The following KRT25 variants were observed in gnomAD, a reference collection of about 807,000 sequenced individuals.
KRT25 encodes keratin, type I cytoskeletal 25.
A neutral mutation model predicts 47.6 loss-of-function variants in KRT25; 37 were observed. The ratio of observed to expected loss-of-function variants is 0.78; its 90% CI spans 0.60 to 1.02. KRT25 has a LOEUF of 1.02. KRT25 is among the 50% of genes least tolerant of loss of function. The pLI, the probability that KRT25 is intolerant of heterozygous loss-of-function variation, is 0.00. For synonymous variants in KRT25, 203 were observed against 210.2 expected (o/e 0.97, Z 0.30); for missense variants, 542 against 550.3 (o/e 0.98, Z 0.15).
At chr17:40,751,593 T>C (rs1269494183) in intron 3 of KRT25, among the ~76,000 whole-genome samples, 1 of 152,248 alleles carries the variant, frequency 6.6e-6, no homozygotes, top group Non-Finnish European at 1.5e-5. Flanking sequence ...ACTCCTGCTC[T>C]TATAACTTAA....
rs1168572208 is a variant in KRT25, at chr17:40,754,028, TTAA to T, written c.513-15_513-13del. 1 of 1,613,292 alleles carries T rather than the reference TTAA, an allele frequency of 6.2e-7. No individual in the cohort carries two copies. The highest frequency in any genetic ancestry group is 2.2e-5 in the East Asian group (1 of 44,858). The stretch of plus-strand genomic sequence containing the variant: ...GCTCATTTTCATACCTTAAAGAGTG[TTAA>T]TGATTTCCTAATTTGTCACATGGTT... On this transcript the variant is annotated splice_polypyrimidine_tract_variant and intron_variant, in intron 2 of 7. Coordinates refer to ENST00000312150, the MANE Select transcript of KRT25 (RefSeq NM_181534.4).
At position 40,754,338 on chromosome 17, in the gene KRT25, C is replaced by T. The variant is rs2038083841; in HGVS notation, c.512+48G>A. ...AAGAGTTGCTAAATTTGATGTAATG[C>T]GTTGCATGAATTGCCATGAATTCAT... On this transcript the variant is annotated intron_variant, in intron 2 of 7. Coordinates refer to ENST00000312150, the MANE Select transcript of KRT25 (RefSeq NM_181534.4). 8.4e-6 allele frequency: 12 copies of T among 1,436,138 alleles called. No homozygotes were observed. In the Admixed American group the frequency reaches 1.0e-4, roughly 12 times the overall value. 89.0% of individuals were successfully genotyped at this position (1,436,138 alleles called of 1,614,324 possible). A position where few individuals can be genotyped will look rare whatever the true frequency, so the allele number is the denominator to read the frequency against.
At position 40,751,224 on chromosome 17, in the gene KRT25, C is replaced by T; in HGVS notation, c.772G>A (p.Glu258Lys). ...TTCTGCTCTGCAAGGGCTTCGTACT[C>T]AGCTCGCATGTTGTTCAGCAGAACT... ...LTVLLNNMRA[E>K]YEALAEQNRR... Residue 258 changes from glutamate to lysine, a missense_variant, in exon 4 of 8, where the codon GAG becomes AAG. Physicochemically the swap from Glu to Lys is moderately conservative, Grantham distance 56. Coordinates refer to ENST00000312150, the MANE Select transcript of KRT25 (RefSeq NM_181534.4). 6.2e-7 allele frequency: 1 copy of T among 1,614,136 alleles called. No homozygotes were observed. Among genetic ancestry groups the T allele is most frequent in the Non-Finnish European group, 8.5e-7 (1 of 1,179,956 alleles).
upstream of KRT25, chr17:40,755,367 G>A (rs998664291): frequency 5.6e-5 from 62 of 1,113,120 alleles, no homozygotes; most frequent in Non-Finnish European, 6.9e-5. Flanking sequence ...TTATAGGCAA[G>A]TCCCAAGTGT....
At position 40,755,070 on chromosome 17, in the gene KRT25, T is replaced by C. The variant is rs2038093829; in HGVS notation, c.202A>G (p.Thr68Ala). The C allele has an allele frequency of 6.2e-7, 1 of 1,614,024 alleles. No individual in the cohort carries two copies. The highest frequency in any genetic ancestry group is 1.3e-5 in the African/African-American group (1 of 74,906). ...GAAAGGAGCCCCCGCTCATTCACAG[T>C]GAAGCCAGCACAGGGATTACCTCCC... ...TGGGNPCAGFTVNERGLLSGN... is the reference protein window; with the variant it reads ...TGGGNPCAGFAVNERGLLSGN... The change falls in exon 1 of 8, where the codon ACT becomes GCT. Residue 68 changes from threonine (T) to alanine (A), a missense_variant. Thr to Ala is a moderately conservative substitution (Grantham distance 58, BLOSUM62 0). Coordinates refer to ENST00000312150, the MANE Select transcript of KRT25 (RefSeq NM_181534.4).
At chr17:40,752,740 C>A (rs1247151962) in intron 3 of KRT25, among the ~76,000 whole-genome samples, 1 of 152,066 alleles carries the variant, frequency 6.6e-6, no homozygotes, top group African/African-American at 2.4e-5. Flanking sequence ...ATATTTGAAT[C>A]CACGTAGTCA....
At chr17:40,750,848 A>T (rs1473877084) in intron 5 of KRT25, 106 bp downstream of exon 5, 4 of 1,406,424 alleles carry the variant, frequency 2.8e-6, no homozygotes, top group Non-Finnish European at 3.9e-6. Flanking sequence ...TTTTGAGACA[A>T]TTATAAACAA....
chr17:40,754,799 G>T, intron 1 of KRT25, 44 bp downstream of exon 1: 1 of 1,437,822 alleles, frequency 7.0e-7, no homozygotes. Context: ...ACAAAATTTA[G>T]AAATAAAGGT....
rs751274967 is a variant in KRT25, at chr17:40,755,125, G to A, written c.147C>T (p.Phe49=). 7.1e-5 allele frequency: 114 copies of A among 1,614,030 alleles called. 1 individual carries two copies. In the South Asian group the frequency reaches 1.2e-3, roughly 17 times the overall value. Residue 49 remains phenylalanine, a synonymous_variant, in exon 1 of 8, where the codon TTC becomes TTT. Transcript: ENST00000312150. ...SGIGSGFSSA[F]GGSSSGGNTG... is the part of the protein sequence containing the mutation. ...TGTTTCCTCCCGATGAGCTGCCTCC[G>A]AAGGCACTAGAGAAGCCACTTCCAA... is the stretch of plus-strand genomic sequence containing the variant.
intron 5 of KRT25, 114 bp downstream of exon 5, chr17:40,750,840 T>C (rs1028772275): frequency 2.9e-6 from 4 of 1,374,980 alleles, no homozygotes; most frequent in Non-Finnish European, 4.0e-6. Context: ...TCCTTATGTT[T>C]TGAGACAATT....
chr17:40,749,154 C>T (rs2038023106), intron 7 of KRT25, 104 bp downstream of exon 7: 1 of 810,164 alleles, frequency 1.2e-6, no homozygotes, highest in South Asian at 1.5e-5. Context: ...ACCTCCGTGA[C>T]ACGTGTTTAC....
In KRT25 at chr17:40,754,902, G is replaced by A. The variant is rs370147296; in HGVS notation, c.370C>T (p.Arg124Cys). ...WYEKFGPGSCRGLDHDYSRYF... is the reference protein window; with the variant it reads ...WYEKFGPGSCCGLDHDYSRYF... ...CTGCTATAGTCATGATCAAGACCAC[G>A]GCAAGAGCCAGGCCCAAATTTCTCA... The change falls in exon 1 of 8, where the codon CGT (arginine) becomes TGT (cysteine). Residue 124 changes from arginine to cysteine, a missense_variant. Physicochemically the swap from Arg to Cys is radical, Grantham distance 180. Coordinates refer to ENST00000312150, the MANE Select transcript of KRT25 (RefSeq NM_181534.4). 5.6e-6 allele frequency: 9 copies of A among 1,614,066 alleles called. No homozygotes were observed. Among genetic ancestry groups the A allele is most frequent in the South Asian group, 2.2e-5 (2 of 91,072 alleles).
intron 6 of KRT25, among the ~76,000 whole-genome samples, chr17:40,750,008 C>T (rs114431377): frequency 1.8e-3 from 272 of 152,274 alleles, no homozygotes; most frequent in African/African-American, 6.4e-3. Flanking sequence ...GAGCTCTAGA[C>T]ATCCAGACTT....
intron 6 of KRT25, among the ~76,000 whole-genome samples, chr17:40,750,130 C>T (rs1257674798): frequency 6.6e-6 from 1 of 152,114 alleles, no homozygotes; most frequent in African/African-American, 2.4e-5. Context: ...TCCATTTAGC[C>T]TCCCGTTTGT....
intron 3 of KRT25, 134 bp downstream of exon 3, chr17:40,753,719 AAAAAGAC>A: frequency 3.6e-6 from 1 of 280,804 alleles, no homozygotes; most frequent in South Asian, 8.1e-5. Flanking sequence ...AAAAAAAAAA[AAAAAGAC>A]AGCTCAGCCC....
Position 40,755,258 on chromosome 17 carries a change from A to G in KRT25, c.14T>C (p.Leu5Pro). 6.2e-7 allele frequency: 1 copy of G among 1,613,408 alleles called. No homozygotes were observed. The highest frequency in any genetic ancestry group is 1.1e-5 in the South Asian group (1 of 91,000). Residue 5 changes from leucine (L) to proline (P), a missense_variant, in exon 1 of 8, where the codon CTT becomes CCT. Coordinates refer to ENST00000312150, the MANE Select transcript of KRT25 (RefSeq NM_181534.4). MSLR[L>P]SSASRRSCPR... ...ACAGGACCTCCTGGATGCACTGGAA[A>G]GTCGAAGAGACATGGTATCAGGGCA...
Position 40,750,610 on chromosome 17 carries a change from A to G in KRT25, c.958-13T>C, listed in dbSNP as rs1197823436. ...CCAGGGAGTGTTTCTGTCAGGAAGC[A>G]ATAAAGAGAACTTGAAATGGATATG... On this transcript the variant is annotated splice_polypyrimidine_tract_variant and intron_variant, in intron 5 of 7. Coordinates refer to ENST00000312150, the MANE Select transcript of KRT25 (RefSeq NM_181534.4). The G allele has an allele frequency of 6.2e-7, 1 of 1,613,588 alleles. No homozygotes were observed. The highest frequency in any genetic ancestry group is 2.2e-5 in the East Asian group (1 of 44,860).
At chr17:40,749,818 G>A (rs546145403) in intron 6 of KRT25, among the ~76,000 whole-genome samples, 172 of 151,918 alleles carry the variant, frequency 1.1e-3, no homozygotes, top group Non-Finnish European at 1.2e-3. Flanking sequence ...AGACTGTAAT[G>A]TTTTTGTTCT....
intron 3 of KRT25, among the ~76,000 whole-genome samples, chr17:40,752,265 G>C (rs992537326): frequency 6.6e-6 from 1 of 152,122 alleles, no homozygotes; most frequent in African/African-American, 2.4e-5. Flanking sequence ...TGCAGTCAAA[G>C]TCTACATGTT....
Sources: gnomAD v4.1 joint callset for allele counts (sites outside exome capture counted in the v4.1 genomes callset) on GRCh38, gnomAD v4.1.1 for gene constraint, MANE v1.5 for transcripts, NCBI Gene and HGNC (gene_info 2026-07-23, HGNC 2026-07-21) for gene names.